Variants in MRPL3 observed in about 807,000 individuals in gnomAD.
The protein encoded by MRPL3 is large ribosomal subunit protein uL3m.
MRPL3 carries 43 observed loss-of-function variants against 44.3 expected under a neutral mutation model. The observed-to-expected ratio is 0.97, with a 90% CI of 0.76 to 1.25. The LOEUF (loss-of-function observed/expected upper bound fraction) is 1.25, where lower values mean the gene tolerates loss of function less well. MRPL3 is among the 50% of genes most tolerant of loss of function. The probability of loss-of-function intolerance (pLI) is 0.00; values close to 1 mark genes in which losing one functional copy is unlikely to be tolerated. For missense variants in MRPL3, 406 were observed against 427.6 expected (o/e 0.95, Z 0.45); for synonymous variants, 171 against 152.3 (o/e 1.12, Z -0.91).
At chr3:131,464,304 T>C (rs920554692) in intron 9 of MRPL3, among the ~76,000 whole-genome samples, 1 of 152,166 alleles carries the variant, frequency 6.6e-6, no homozygotes, top group Non-Finnish European at 1.5e-5. Flanking sequence ...ACCTGAGAAA[T>C]ATTTTAGACG....
intron 9 of MRPL3, among the ~76,000 whole-genome samples, chr3:131,467,468 A>G (rs778532371): frequency 7.2e-5 from 11 of 152,082 alleles, no homozygotes; most frequent in Admixed American, 2.0e-4. Flanking sequence ...CTCATGTCAA[A>G]TTGTAATCCC....
At chr3:131,498,158 G>A in intron 4 of MRPL3, 21 bp downstream of exon 4, 1 of 1,465,082 alleles carries the variant, frequency 6.8e-7, no homozygotes, top group Non-Finnish European at 9.6e-7. Flanking sequence ...CAGTATTCTA[G>A]CTATGAAAAT....
At position 131,471,220 on chromosome 3, in the gene MRPL3, G is replaced by A. The variant is rs751458562; in HGVS notation, c.689C>T (p.Thr230Met). The change falls in exon 7 of 10, where the codon ACG (threonine) becomes ATG (methionine). Residue 230 changes from threonine to methionine, a missense_variant. By Grantham distance (81) the Thr-to-Met change is moderately conservative. Transcript: ENST00000264995. ...KRWGFKGQPA[T>M]HGQTKTHRRP... ...CCTGTGGGTTTTCGTTTGACCATGC[G>A]TAGCAGGCTGGCCTTTAAATCCCCA... The A allele has an allele frequency of 1.7e-5, 28 of 1,613,288 alleles. No individual in the cohort carries two copies. The highest frequency in any genetic ancestry group is 2.2e-5 in the East Asian group (1 of 44,884).
In MRPL3 at chr3:131,462,606, T is replaced by G; in HGVS notation, c.*117A>C. On this transcript the variant is annotated 3_prime_UTR_variant, in exon 10 of 10. Coordinates refer to ENST00000264995, the MANE Select transcript of MRPL3 (RefSeq NM_007208.4). ...GATATATTTATGCCCTTGACAAAGA[T>G]GACATGTGTGATTTTGTTGTGACTA... 1 of 981,972 alleles carries G rather than the reference T, an allele frequency of 1.0e-6. No homozygotes were observed. The highest frequency in any genetic ancestry group is 1.5e-6 in the Non-Finnish European group (1 of 686,396). The allele number at this position is 981,972 out of a possible 1,614,324, so 60.8% of individuals were successfully genotyped here.
chr3:131,463,593 T>C (rs1933538737), intron 9 of MRPL3, among the ~76,000 whole-genome samples: 1 of 152,152 alleles, frequency 6.6e-6, no homozygotes, highest in South Asian at 2.1e-4. Context: ...GCACAATGTA[T>C]GTCAGAGCAT....
intron 9 of MRPL3, among the ~76,000 whole-genome samples, chr3:131,465,691 T>C (rs1193588662): frequency 2.0e-5 from 3 of 152,108 alleles, no homozygotes; most frequent in Non-Finnish European, 4.4e-5. Flanking sequence ...GCTAGGGATA[T>C]GAAGATATGT....
intron 6 of MRPL3, among the ~76,000 whole-genome samples, chr3:131,473,268 A>G (rs1278945719): frequency 6.6e-6 from 1 of 152,130 alleles, no homozygotes; most frequent in African/African-American, 2.4e-5. Context: ...CATCACGGGC[A>G]ATTGATTTTT....
chr3:131,486,951 G>T (rs1477734410), intron 6 of MRPL3, among the ~76,000 whole-genome samples: 1 of 152,086 alleles, frequency 6.6e-6, no homozygotes, highest in African/African-American at 2.4e-5. Context: ...TCCCATTACT[G>T]GGTATATACC....
At chr3:131,479,136 A>G (rs1381762601) in intron 6 of MRPL3, 1 of 518,498 alleles carries the variant, frequency 1.9e-6, no homozygotes, top group Non-Finnish European at 3.8e-6. Context: ...CCACTGATGA[A>G]GCTGGTTAGA....
intron 9 of MRPL3, among the ~76,000 whole-genome samples, chr3:131,464,420 G>T (rs1933556345): frequency 6.6e-6 from 1 of 152,010 alleles, no homozygotes; most frequent in African/African-American, 2.4e-5. Flanking sequence ...GAGGGCCAAA[G>T]GTCTGCAGCC....
At chr3:131,498,966 G>C (rs1231734952) in intron 3 of MRPL3, among the ~76,000 whole-genome samples, 1 of 152,154 alleles carries the variant, frequency 6.6e-6, no homozygotes, top group Non-Finnish European at 1.5e-5. Flanking sequence ...CAGACCTACT[G>C]AATCAGAATC....
rs1933517208 is a variant in MRPL3, at chr3:131,462,722, G to T, written c.*1C>A. 6.2e-7 allele frequency: 1 copy of T among 1,610,078 alleles called. No homozygotes were observed. The highest frequency in any genetic ancestry group is 1.1e-5 in the South Asian group (1 of 90,574). The stretch of plus-strand genomic sequence containing the variant: ...GTAAGGTTCTGCCACGTCCAAAGAT[G>T]TTAGGCAAATGTAATAGAAGGCGCA... On this transcript the variant is annotated 3_prime_UTR_variant, in exon 10 of 10. Coordinates refer to ENST00000264995, the MANE Select transcript of MRPL3 (RefSeq NM_007208.4).
intron 6 of MRPL3, among the ~76,000 whole-genome samples, chr3:131,475,992 G>T (rs1933844841): frequency 6.6e-6 from 1 of 152,158 alleles, no homozygotes; most frequent in Non-Finnish European, 1.5e-5. Context: ...AAGTTTACTG[G>T]TACTTCTGTG....
At chr3:131,492,518 G>A (rs1197798888) in intron 4 of MRPL3, among the ~76,000 whole-genome samples, 7 of 151,998 alleles carry the variant, frequency 4.6e-5, no homozygotes, top group African/African-American at 1.2e-4. Context: ...TAGATCCCTC[G>A]CACACACAGC....
In MRPL3 at chr3:131,502,778, AG is replaced by A; in HGVS notation, c.43del (p.Leu15TrpfsTer59). ...RLLTQVGAQV[L>X]GRLGDGLGAA... ...ACCCAGGCCGTCCCCGAGTCGACCC[AG>A]CACCTGGGCGCCGACCTGCGTCAGC... On this transcript the variant is annotated frameshift_variant, in exon 1 of 10. Coordinates refer to ENST00000264995, the MANE Select transcript of MRPL3 (RefSeq NM_007208.4). LOFTEE classifies it high-confidence loss of function. 1 of 1,612,644 alleles carries A rather than the reference AG, an allele frequency of 6.2e-7. No individual in the cohort carries two copies. Among genetic ancestry groups the A allele is most frequent in the Non-Finnish European group, 8.5e-7 (1 of 1,179,396 alleles).
intron 3 of MRPL3, among the ~76,000 whole-genome samples, chr3:131,498,924 T>C (rs1415508520): frequency 6.6e-6 from 1 of 152,116 alleles, no homozygotes; most frequent in East Asian, 1.9e-4. Context: ...CCCTGGGAAC[T>C]TAATAAAGAC....
At chr3:131,482,182 A>C (rs1306907733) in intron 6 of MRPL3, among the ~76,000 whole-genome samples, 1 of 152,158 alleles carries the variant, frequency 6.6e-6, no homozygotes, top group Non-Finnish European at 1.5e-5. Context: ...AAATGTGCCA[A>C]GGTGCTCCAA....
At chr3:131,500,661 T>C in intron 2 of MRPL3, 140 bp from the exon 3 acceptor site, 1 of 664,292 alleles carries the variant, frequency 1.5e-6, no homozygotes, top group South Asian at 1.8e-5. Flanking sequence ...CAGAGTAAAG[T>C]AGGACTGTTC....
chr3:131,487,517 C>G, intron 6 of MRPL3, 163 bp downstream of exon 6: 1 of 610,854 alleles, frequency 1.6e-6, no homozygotes. Flanking sequence ...TAATTTGGCA[C>G]AATTTAAAAA....
Sources: gnomAD v4.1 joint callset for allele counts (sites outside exome capture counted in the v4.1 genomes callset) on GRCh38, gnomAD v4.1.1 for gene constraint, MANE v1.5 for transcripts, NCBI Gene and HGNC (gene_info 2026-07-23, HGNC 2026-07-21) for gene names.